The following PRR5 variants were observed in gnomAD, a reference collection of about 807,000 sequenced individuals.
The protein encoded by PRR5 is proline-rich protein 5.
A neutral mutation model predicts 30.6 loss-of-function variants in PRR5; 25 were observed. The observed-to-expected ratio is 0.82, with a 90% CI of 0.60 to 1.14. The LOEUF (loss-of-function observed/expected upper bound fraction) is 1.14, where lower values mean the gene tolerates loss of function less well. Ranked by LOEUF, PRR5 falls within the 50% of genes most tolerant of loss-of-function variation. The pLI is 0.00. For synonymous variants in PRR5, 286 were observed against 247.1 expected, an observed-to-expected ratio of 1.16 and a Z score of -1.48; for missense variants, 600 against 547.1, an observed-to-expected ratio of 1.10 and a Z score of -0.96.
Position 44,737,228 on chromosome 22 carries a change from GC to G in PRR5, c.1150del (p.Arg384GlyfsTer16). On this transcript the variant is annotated frameshift_variant, in exon 8 of 8. Transcript: ENST00000336985. LOFTEE classifies it high-confidence loss of function. ...SGMSDLEGSG[G>X]RQSVV ...ATGTCCGACTTGGAGGGCTCTGGGG[GC>G]CGGCAGAGTGTCGTGTGAGGCCTCA... 1 of 1,604,010 alleles carries G rather than the reference GC, an allele frequency of 6.2e-7. No individual in the cohort carries two copies. Among genetic ancestry groups the G allele is most frequent in the Non-Finnish European group, 8.5e-7 (1 of 1,173,242 alleles).
At chr22:44,732,709 C>T (rs1345641651) in intron 6 of PRR5, among the ~76,000 whole-genome samples, 2 of 151,844 alleles carry the variant, frequency 1.3e-5, no homozygotes, top group South Asian at 2.1e-4. Context: ...TGCACACGCA[C>T]ATAGTATGCA....
intron 2 of PRR5, among the ~76,000 whole-genome samples, chr22:44,723,584 A>T (rs1387563020): frequency 6.6e-6 from 1 of 151,688 alleles, no homozygotes; most frequent in African/African-American, 2.4e-5. Flanking sequence ...GCTGGGCGTG[A>T]TGGTATGCGC....
intron 2 of PRR5, among the ~76,000 whole-genome samples, chr22:44,716,350 C>G (rs532023449): frequency 2.6e-5 from 4 of 152,200 alleles, no homozygotes; most frequent in East Asian, 1.9e-4. Flanking sequence ...TTTACTGAAG[C>G]CTTGCTCTGT....
chr22:44,703,586 T>G (rs57924644), intron 1 of PRR5, among the ~76,000 whole-genome samples: 14,175 of 152,196 alleles, frequency 0.093, 1,036 homozygotes, highest in African/African-American at 0.21. Context: ...TAGAGGGCTG[T>G]CACATGCCTG....
At chr22:44,725,975 A>G (rs1367138049) in intron 3 of PRR5, among the ~76,000 whole-genome samples, 1 of 152,110 alleles carries the variant, frequency 6.6e-6, no homozygotes, top group African/African-American at 2.4e-5. Context: ...AATTCTGTAC[A>G]TTTCATATTG....
At chr22:44,712,220 G>C (rs1480774528) in intron 1 of PRR5, among the ~76,000 whole-genome samples, 2 of 152,178 alleles carry the variant, frequency 1.3e-5, no homozygotes, top group Non-Finnish European at 2.9e-5. Context: ...GGACTAAGGA[G>C]CATTCCGGTG....
At chr22:44,670,657 A>C (rs774910535) in intron 1 of PRR5, among the ~76,000 whole-genome samples, 2 of 152,240 alleles carry the variant, frequency 1.3e-5, no homozygotes, top group African/African-American at 4.8e-5. Flanking sequence ...CCTCACCGGC[A>C]GGGAAAGCAG....
At position 44,702,436 on chromosome 22, in the gene PRR5, GGGGCGCGCGT is replaced by G; in HGVS notation, c.-31_-22del. 2 of 1,287,304 alleles carry G rather than the reference GGGGCGCGCGT, an allele frequency of 1.6e-6. No individual in the cohort carries two copies. Among genetic ancestry groups the G allele is most frequent in the Non-Finnish European group, 2.0e-6 (2 of 1,015,212 alleles). 79.7% of individuals were successfully genotyped at this position (1,287,304 alleles called of 1,614,324 possible). A position where few individuals can be genotyped will look rare whatever the true frequency, so the allele number is the denominator to read the frequency against. On this transcript the variant is annotated 5_prime_UTR_variant, in exon 1 of 8. Coordinates refer to ENST00000336985, the MANE Select transcript of PRR5 (RefSeq NM_181333.4). Reference sequence around the variant, plus strand: ...TGCGGCGTGGCGCAGGGCGCGGCGTGGGGCGCGCGTGGGCGCGGCGCAGGCGGCCCGGGTC... The same window carrying G: ...TGCGGCGTGGCGCAGGGCGCGGCGTGGGGCGCGGCGCAGGCGGCCCGGGTC...
chr22:44,733,269 G>A (rs865850787), intron 6 of PRR5, among the ~76,000 whole-genome samples: 4 of 152,220 alleles, frequency 2.6e-5, no homozygotes, highest in Non-Finnish European at 5.9e-5. Flanking sequence ...GCAGTTGGCC[G>A]GCTCATCACA....
chr22:44,719,240 T>C (rs78399696), intron 2 of PRR5, among the ~76,000 whole-genome samples: 2,691 of 140,962 alleles, frequency 0.019, 87 homozygotes, highest in African/African-American at 0.065. Flanking sequence ...GCACCAAGCC[T>C]AGCTAATTTT....
intron 4 of PRR5, among the ~76,000 whole-genome samples, chr22:44,728,752 C>T (rs1217737275): frequency 6.6e-6 from 1 of 152,214 alleles, no homozygotes; most frequent in Admixed American, 6.5e-5. Flanking sequence ...TGAGCCTGCT[C>T]CTTGCAGCTG....
intron 1 of PRR5, among the ~76,000 whole-genome samples, chr22:44,681,726 G>A (rs1306945217): frequency 6.6e-6 from 1 of 152,222 alleles, no homozygotes; most frequent in Admixed American, 6.5e-5. Context: ...TGGGACCAGG[G>A]GCCCTGCTGG....
chr22:44,695,280 G>A (rs1301895599), intron 1 of PRR5, among the ~76,000 whole-genome samples: 2 of 152,200 alleles, frequency 1.3e-5, no homozygotes, highest in African/African-American at 2.4e-5. Flanking sequence ...TAAACTATGT[G>A]TTATGTTCAG....
rs1569080603 is a variant in PRR5 at position 44,702,543 on chromosome 22, G to A, written c.69G>A (p.Pro23=). Residue 23 remains proline (P), a synonymous_variant, in exon 1 of 8, where the codon CCG becomes CCA. Transcript: ENST00000336985. ...TCAGTGACCTGGGCAAGAGAGAGCC[G>A]GCCGCCGCCGCGGACGAGCGGGGCA... The part of the protein sequence containing the change: ...PSLSDLGKRE[P]AAAADERGTQ... The A allele has an allele frequency of 2.1e-6, 3 of 1,449,698 alleles. No individual in the cohort carries two copies. The highest frequency in any genetic ancestry group is 3.0e-5 in the African/African-American group (2 of 67,236). 89.8% of individuals were successfully genotyped at this position (1,449,698 alleles called of 1,614,324 possible).
At chr22:44,692,592 C>T (rs954489797) in intron 1 of PRR5, among the ~76,000 whole-genome samples, 2 of 152,188 alleles carry the variant, frequency 1.3e-5, no homozygotes, top group African/African-American at 4.8e-5. Context: ...CGGGGCTCCT[C>T]CTCCCAGGGC....
intron 1 of PRR5, among the ~76,000 whole-genome samples, chr22:44,696,170 C>T (rs1040337855): frequency 1.3e-5 from 2 of 151,960 alleles, no homozygotes; most frequent in South Asian, 2.1e-4. Context: ...GTGATCCACC[C>T]GCCTCAGCCT....
At chr22:44,727,900 G>A (rs1045280325) in intron 4 of PRR5, among the ~76,000 whole-genome samples, 1 of 152,246 alleles carries the variant, frequency 6.6e-6, no homozygotes, top group African/African-American at 2.4e-5. Context: ...TTCTGGGAAG[G>A]CTTCCTGGAG....
At chr22:44,697,605 C>T (rs753428996), upstream of PRR5, among the ~76,000 whole-genome samples, 16 of 152,206 alleles carry the variant, frequency 1.1e-4, no homozygotes, top group Admixed American at 6.5e-5. Flanking sequence ...CGGACGTGCC[C>T]CTCCAGAGCA....
chr22:44,731,527 T>C (rs1921960316), intron 4 of PRR5: 1 of 596,908 alleles, frequency 1.7e-6, no homozygotes, highest in Admixed American at 2.9e-5. Flanking sequence ...CCACATTTTA[T>C]AAATGGAAGA....
Sources: gnomAD v4.1 joint callset for allele counts (sites outside exome capture counted in the v4.1 genomes callset) on GRCh38, gnomAD v4.1.1 for gene constraint, MANE v1.5 for transcripts, NCBI Gene and HGNC (gene_info 2026-07-23, HGNC 2026-07-21) for gene names.